The following NRP2 variants were observed in gnomAD, a reference collection of about 807,000 sequenced individuals.
NRP2 encodes the protein neuropilin 2.
In NRP2, 52 loss-of-function variants were observed where a neutral mutation model predicts 110.4. The ratio of observed to expected loss-of-function variants is 0.47; its 90% confidence interval spans 0.38 to 0.59. NRP2 has a LOEUF of 0.59. NRP2 is among the 20% of genes least tolerant of loss of function. The pLI, the probability that NRP2 is intolerant of heterozygous loss-of-function variation, is 0.00. For missense variants in NRP2, 1,049 were observed against 1,203.0 expected (o/e 0.87, Z 1.89); for synonymous variants, 508 against 468.9 (o/e 1.08, Z -1.08).
intron 1 of NRP2, among the ~76,000 whole-genome samples, chr2:205,692,398 G>A (rs1292234244): frequency 6.6e-6 from 1 of 152,174 alleles, no homozygotes; most frequent in East Asian, 1.9e-4. Flanking sequence ...ACAAAATCCA[G>A]CCTCAGCTCA....
intron 1 of NRP2, among the ~76,000 whole-genome samples, chr2:205,695,077 A>G (rs1464887537): frequency 6.6e-6 from 1 of 152,242 alleles, no homozygotes; most frequent in East Asian, 1.9e-4. Context: ...ATGCAAGCCA[A>G]ACAAGAATGT....
intron 15 of NRP2, 64 bp downstream of exon 15, chr2:205,766,867 G>A (rs768322597): frequency 2.0e-6 from 3 of 1,469,988 alleles, no homozygotes; most frequent in Non-Finnish European, 2.8e-6. Context: ...CCCATGTGAT[G>A]TGAATTTGAT....
At chr2:205,707,860 GGGGCCCC>G (rs2056714184) in intron 2 of NRP2, among the ~76,000 whole-genome samples, 2 of 152,178 alleles carry the variant, frequency 1.3e-5, no homozygotes, top group African/African-American at 4.8e-5. Context: ...CAGCACACCA[GGGGCCCC>G]AGACGCTGTG....
At position 205,795,114 on chromosome 2, in the gene NRP2, G is replaced by A. The variant is rs567634769; in HGVS notation, c.*56G>A. 7.9e-6 allele frequency: 12 copies of A among 1,518,472 alleles called. No individual in the cohort carries two copies. Among genetic ancestry groups the A allele is most frequent in the Non-Finnish European group, 1.1e-5 (12 of 1,105,076 alleles). 94.1% of individuals were successfully genotyped at this position (1,518,472 alleles called of 1,614,324 possible). On this transcript the variant is annotated 3_prime_UTR_variant, in exon 17 of 17. Coordinates refer to ENST00000357785, the MANE Select transcript of NRP2 (RefSeq NM_003872.3). ...CATTCCAGCAAGAGGGGCTGGGGAA[G>A]ATTACATTTTTTTTTCCTTTGGAAA... is the stretch of plus-strand genomic sequence containing the variant.
At chr2:205,753,598 G>A (rs1010650495) in intron 12 of NRP2, among the ~76,000 whole-genome samples, 1 of 152,218 alleles carries the variant, frequency 6.6e-6, no homozygotes, top group African/African-American at 2.4e-5. Context: ...TCCTGGCACT[G>A]CTGACAAGAA....
rs849553 is a variant in NRP2, at chr2:205,703,686, G to T, written c.251+5965G>T. On this transcript the variant is annotated intron_variant, in intron 2 of 16. Coordinates refer to ENST00000357785, the MANE Select transcript of NRP2 (RefSeq NM_003872.3). ...TCCCTGGAGGAGGTGACGCCTATAC[G>T]AATTCTAAAGAATTTGGCCAGGCAG... 6.4e-3 allele frequency among the ~76,000 whole-genome samples: 972 copies of T among 152,270 alleles called. 35 individuals carry two copies. The East Asian group carries it at 0.085, about 13-fold the overall frequency.
At chr2:205,739,902 A>C (rs1319960310) in intron 7 of NRP2, 2 of 173,182 alleles carry the variant, frequency 1.2e-5, no homozygotes, top group Non-Finnish European at 2.5e-5. Flanking sequence ...AAGCTGGAGC[A>C]GGACTCTGAA....
chr2:205,694,336 G>C (rs1575543966), intron 1 of NRP2, among the ~76,000 whole-genome samples: 1 of 152,180 alleles, frequency 6.6e-6, no homozygotes, highest in Non-Finnish European at 1.5e-5. Flanking sequence ...ATCTGGAGCT[G>C]TCACTTTATT....
chr2:205,770,244 C>T (rs2105933230), intron 15 of NRP2, among the ~76,000 whole-genome samples: 1 of 152,288 alleles, frequency 6.6e-6, no homozygotes, highest in South Asian at 2.1e-4. Flanking sequence ...TCAGACCATT[C>T]CTAAGGTCCA....
At chr2:205,746,669 G>A (rs2057543736) in intron 10 of NRP2, among the ~76,000 whole-genome samples, 1 of 152,236 alleles carries the variant, frequency 6.6e-6, no homozygotes, top group Non-Finnish European at 1.5e-5. Context: ...GATGCCAGCA[G>A]GAGCAGCCAC....
intron 15 of NRP2, among the ~76,000 whole-genome samples, chr2:205,768,951 T>G (rs1035742516): frequency 2.0e-5 from 3 of 152,204 alleles, no homozygotes; most frequent in Non-Finnish European, 4.4e-5. Context: ...ATGAACCTAG[T>G]GCCATGGGTC....
chr2:205,683,469 A>G, intron 1 of NRP2, 106 bp downstream of exon 1: 1 of 791,740 alleles, frequency 1.3e-6, no homozygotes, highest in Non-Finnish European at 2.2e-6. Context: ...AGGCTCCCTC[A>G]GTACTCAATA....
intron 16 of NRP2, among the ~76,000 whole-genome samples, chr2:205,793,249 G>A (rs2058321191): frequency 1.3e-5 from 2 of 152,204 alleles, no homozygotes; most frequent in East Asian, 3.9e-4. Context: ...TGGGTAAGGA[G>A]GCAGAAAGCC....
At chr2:205,755,226 T>C (rs1193460434) in intron 12 of NRP2, among the ~76,000 whole-genome samples, 1 of 152,188 alleles carries the variant, frequency 6.6e-6, no homozygotes, top group East Asian at 1.9e-4. Context: ...CCCTGTGGTT[T>C]GGGAGGGCTT....
At chr2:205,752,776 G>A in intron 11 of NRP2, 59 bp from the exon 12 acceptor site, 1 of 1,588,204 alleles carries the variant, frequency 6.3e-7, no homozygotes, top group East Asian at 2.2e-5. Flanking sequence ...GTACCACTGT[G>A]GCTGTTCTCT....
chr2:205,705,325 T>C (rs1267771933), intron 2 of NRP2, among the ~76,000 whole-genome samples: 1 of 152,174 alleles, frequency 6.6e-6, no homozygotes, highest in Non-Finnish European at 1.5e-5. Flanking sequence ...ATTTACATAA[T>C]CAAAATTTTT....
chr2:205,697,553 G>A lies in NRP2; in HGVS notation c.83G>A (p.Cys28Tyr). The A allele has an allele frequency of 6.2e-7, 1 of 1,613,974 alleles. No homozygotes were observed. The highest frequency in any genetic ancestry group is 8.5e-7 in the Non-Finnish European group (1 of 1,179,962). The part of the protein sequence containing the change: ...HQVRGQPDPP[C>Y]GGRLNSKDAG... The stretch of plus-strand genomic sequence containing the variant: ...TTGATTTCTCTTTCAGACCCACCGT[G>A]CGGAGGTCGTTTGAATTCCAAAGAT... The change falls in exon 2 of 17, where the codon TGC (cysteine) becomes TAC (tyrosine). Residue 28 changes from cysteine (C) to tyrosine (Y), a missense_variant. By Grantham distance (194) the Cys-to-Tyr change is radical. Coordinates refer to ENST00000357785, the MANE Select transcript of NRP2 (RefSeq NM_003872.3).
At chr2:205,739,657 A>C (rs1401948113) in intron 7 of NRP2, among the ~76,000 whole-genome samples, 1 of 150,358 alleles carries the variant, frequency 6.7e-6, no homozygotes, top group Non-Finnish European at 1.5e-5. Context: ...ACCAAGGGAA[A>C]CTCACATATA....
In NRP2 at chr2:205,717,331, G is replaced by A. The variant is rs146247318; in HGVS notation, c.433+957G>A. Among the ~76,000 whole-genome samples the A allele has an allele frequency of 4.1e-3, 628 of 152,308 alleles. 5 individuals carry two copies. The highest frequency in any genetic ancestry group is 0.024 in the South Asian group (114 of 4,826). On this transcript the variant is annotated intron_variant, in intron 3 of 16. Transcript: ENST00000357785. ...ACAACTCGTGGATGGAGTCTGGTTC[G>A]AGGGGAGGTTGTCAGCCTTGTCATC...
Sources: allele counts gnomAD v4.1 joint callset (sites outside exome capture counted in the v4.1 genomes callset), GRCh38; gene constraint gnomAD v4.1.1; transcripts MANE v1.5; gene names NCBI Gene and HGNC (gene_info 2026-07-23, HGNC 2026-07-21).